KRT74: variants seen among roughly 807,000 people sequenced by gnomAD.
The protein encoded by KRT74 is keratin, type II cytoskeletal 74.
A neutral mutation model predicts 42.7 loss-of-function variants in KRT74; 43 were observed. The ratio of observed to expected loss-of-function variants is 1.01; its 90% CI spans 0.79 to 1.30. The LOEUF (loss-of-function observed/expected upper bound fraction) is 1.30. Among genes scored for constraint, KRT74 ranks in the 50% most tolerant of loss-of-function variants. KRT74 has a pLI of 0.00. For synonymous variants in KRT74, 302 were observed against 279.0 expected, an observed-to-expected ratio of 1.08 and a Z score of -0.82; for missense variants, 736 against 689.1, an observed-to-expected ratio of 1.07 and a Z score of -0.76.
chr12:52,566,201 C>A lies in KRT74; in HGVS notation c.*768G>T, dbSNP rs951211169. The A allele has an allele frequency of 2.0e-5, 3 of 152,176 alleles. No homozygotes were observed. The highest frequency in any genetic ancestry group is 2.1e-4 in the South Asian group (1 of 4,828). The allele number at this position is 152,176 out of a possible 1,614,324, so 9.4% of individuals were successfully genotyped here. A position where few individuals can be genotyped will look rare whatever the true frequency, so the allele number is the denominator to read the frequency against. ...CTGGCACATAGGTGGGTGACTGGGGCCAGTTCAGCAGCCTCTTGGGATCAG... is the reference window on the plus strand; with the variant it reads ...CTGGCACATAGGTGGGTGACTGGGGACAGTTCAGCAGCCTCTTGGGATCAG... On this transcript the variant is annotated 3_prime_UTR_variant, in exon 9 of 9. Transcript: ENST00000305620.
chr12:52,572,365 CA>C lies in KRT74; in HGVS notation c.686+87del, dbSNP rs1341666788. 17 of 1,366,028 alleles carry C rather than the reference CA, an allele frequency of 1.2e-5. No homozygotes were observed. In the Middle Eastern group the frequency reaches 5.4e-4, roughly 43 times the overall value. The allele number at this position is 1,366,028 out of a possible 1,614,324, so 84.6% of individuals were successfully genotyped here. On this transcript the variant is annotated intron_variant, in intron 2 of 8. Coordinates refer to ENST00000305620, the MANE Select transcript of KRT74 (RefSeq NM_175053.4). ...CTCCTGACCCTGGTGCATACTCCCC[CA>C]TCTCCTAAAAAATAATGGCACAGAG...
chr12:52,568,474 G>A, intron 6 of KRT74, 85 bp from the exon 7 acceptor site: 1 of 1,413,058 alleles, frequency 7.1e-7, no homozygotes, highest in Non-Finnish European at 9.8e-7. Context: ...CCCTCATTTT[G>A]CAGATGGGGC....
At position 52,567,042 on chromosome 12, in the gene KRT74, C is replaced by A. The variant is rs371630731; in HGVS notation, c.1517G>T (p.Arg506Leu). Residue 506 changes from arginine (R) to leucine (L), a missense_variant, in exon 9 of 9, where the codon CGA becomes CTA. Arg to Leu is a moderately radical substitution (Grantham distance 102). Transcript: ENST00000305620. ...CTGGGTGTCCTTGAGGTCTCCCCCTCGCGCCTCTGTGGTCTTGGTCTGCCC... is the reference window on the plus strand; with the variant it reads ...CTGGGTGTCCTTGAGGTCTCCCCCTAGCGCCTCTGTGGTCTTGGTCTGCCC... ...QSGQTKTTEA[R>L]GGDLKDTQGK... 3 of 1,599,874 alleles carry A rather than the reference C, an allele frequency of 1.9e-6. No individual in the cohort carries two copies. The highest frequency in any genetic ancestry group is 2.2e-5 in the East Asian group (1 of 44,626).
Position 52,573,380 on chromosome 12 carries a change from A to T in KRT74, c.398T>A (p.Ile133Asn), listed in dbSNP as rs1181802784. The T allele has an allele frequency of 6.2e-7, 1 of 1,614,172 alleles. No homozygotes were observed. The highest frequency in any genetic ancestry group is 2.2e-5 in the East Asian group (1 of 44,872). The change falls in exon 1 of 9, where the codon ATC (isoleucine) becomes AAC (asparagine). Residue 133 changes from isoleucine to asparagine, a missense_variant. Physicochemically the swap from Ile to Asn is moderately radical, Grantham distance 149. Transcript: ENST00000305620. ...APLNVELDPE[I>N]QKVRAQEREQ... Reference sequence around the variant, plus strand: ...CCGCTCCTGGGCGCGCACCTTCTGGATCTCAGGGTCCAGCTCCACGTTGAG... The same window carrying T: ...CCGCTCCTGGGCGCGCACCTTCTGGTTCTCAGGGTCCAGCTCCACGTTGAG...
chr12:52,567,808 C>T (rs769022946), intron 7 of KRT74, 115 bp from the exon 8 acceptor site: 20 of 801,810 alleles, frequency 2.5e-5, no homozygotes, highest in Middle Eastern at 2.2e-4. Flanking sequence ...TAACAACTTA[C>T]GAAACTGACA....
In KRT74 at chr12:52,573,703, C is replaced by T. The variant is rs553830427; in HGVS notation, c.75G>A (p.Arg25=). The stretch of plus-strand genomic sequence containing the variant: ...AAGAAGCCAGGCTACCCACAGCCTT[C>T]CTTGGCACCACTGCCGAATGCACAC... The part of the protein sequence containing the change: ...NFSVHSAVVP[R]KAVGSLASYC... The change falls in exon 1 of 9, where the codon AGG becomes AGA. Residue 25 remains arginine, a synonymous_variant. Transcript: ENST00000305620. The T allele has an allele frequency of 4.3e-6, 7 of 1,614,086 alleles. No homozygotes were observed. In the Admixed American group the frequency reaches 1.0e-4, roughly 23 times the overall value.
At chr12:52,567,198 A>G (rs1328260400) in intron 8 of KRT74, 30 bp from the exon 9 acceptor site, 2 of 1,530,834 alleles carry the variant, frequency 1.3e-6, no homozygotes, top group Non-Finnish European at 1.8e-6. Flanking sequence ...AGCAGGGGAG[A>G]GGAGCAGTGT....
At chr12:52,571,122 G>A (rs1479584928) in intron 4 of KRT74, among the ~76,000 whole-genome samples, 1 of 152,220 alleles carries the variant, frequency 6.6e-6, no homozygotes, top group African/African-American at 2.4e-5. Flanking sequence ...AGACCTCACT[G>A]GGTTATCTTT....
chr12:52,570,040 C>A, intron 5 of KRT74, 56 bp from the exon 6 acceptor site: 1 of 1,605,662 alleles, frequency 6.2e-7, no homozygotes, highest in South Asian at 1.1e-5. Flanking sequence ...GGGAAGGGTC[C>A]TGTAAATAAG....
In KRT74 at chr12:52,573,417, G is replaced by A; in HGVS notation, c.361C>T (p.Leu121Phe). 1 of 1,614,202 alleles carries A rather than the reference G, an allele frequency of 6.2e-7. No homozygotes were observed. ...GIHQVTVNKS[L>F]LAPLNVELDP... The stretch of plus-strand genomic sequence containing the variant: ...AGCTCCACGTTGAGGGGGGCCAAGA[G>A]GCTCTTGTTGACAGTGACCTGGTGG... Residue 121 changes from leucine (L) to phenylalanine (F), a missense_variant, in exon 1 of 9, where the codon CTC becomes TTC. By Grantham distance (22) the Leu-to-Phe change is conservative. Coordinates refer to ENST00000305620, the MANE Select transcript of KRT74 (RefSeq NM_175053.4).
chr12:52,573,631 G>T lies in KRT74; in HGVS notation c.147C>A (p.Ser49Arg), dbSNP rs1272867822. The change falls in exon 1 of 9, where the codon AGC becomes AGA. Residue 49 changes from serine (S) to arginine (R), a missense_variant. Transcript: ENST00000305620. ...GCCGATTCCCTCCAAGGCTATAGAG[G>T]CTCCGACTGCCAAAGCCAGCGCCAG... ...RGAGAGFGSR[S>R]LYSLGGNRRI... 2 of 1,614,032 alleles carry T rather than the reference G, an allele frequency of 1.2e-6. No individual in the cohort carries two copies. The highest frequency in any genetic ancestry group is 1.3e-5 in the African/African-American group (1 of 74,926).
intron 8 of KRT74, 27 bp from the exon 9 acceptor site, chr12:52,567,195 G>T: frequency 6.5e-6 from 10 of 1,537,420 alleles, no homozygotes; most frequent in Non-Finnish European, 8.8e-6. Flanking sequence ...AAGAGCAGGG[G>T]AGAGGAGCAG....
rs1939527754 is a variant in KRT74, at chr12:52,573,528, C to T, written c.250G>A (p.Gly84Ser). 3 of 1,614,166 alleles carry T rather than the reference C, an allele frequency of 1.9e-6. No individual in the cohort carries two copies. Residue 84 changes from glycine to serine, a missense_variant, in exon 1 of 9, where the codon GGC becomes AGC. Physicochemically the swap from Gly to Ser is moderately conservative, Grantham distance 56. Coordinates refer to ENST00000305620, the MANE Select transcript of KRT74 (RefSeq NM_175053.4). The part of the protein sequence containing the change: ...GFRPGSGYGG[G>S]RASGFAGSMF... The stretch of plus-strand genomic sequence containing the variant: ...CTGCCAGCAAAGCCACTGGCCCGGC[C>T]CCCTCCATACCCAGAGCCAGGCCTG...
At position 52,573,649 on chromosome 12, in the gene KRT74, A is replaced by T; in HGVS notation, c.129T>A (p.Ala43=). ...TATAGAGGCTCCGACTGCCAAAGCC[A>T]GCGCCAGCCCCTCTGCCAGCTGCAC... ...SYCAAGRGAG[A]GFGSRSLYSL... The change falls in exon 1 of 9, where the codon GCT becomes GCA. Residue 43 remains alanine (A), a synonymous_variant. Coordinates refer to ENST00000305620, the MANE Select transcript of KRT74 (RefSeq NM_175053.4). 1 of 1,614,178 alleles carries T rather than the reference A, an allele frequency of 6.2e-7. No individual in the cohort carries two copies. The highest frequency in any genetic ancestry group is 8.5e-7 in the Non-Finnish European group (1 of 1,180,028).
intron 5 of KRT74, 44 bp from the exon 6 acceptor site, chr12:52,570,028 T>C (rs1436237211): frequency 1.2e-6 from 2 of 1,611,520 alleles, no homozygotes; most frequent in Admixed American, 3.3e-5. Flanking sequence ...ACAAGGGCAC[T>C]GGGGAAGGGT....
At chr12:52,569,397 A>G (rs1488285211) in intron 6 of KRT74, 1 of 492,030 alleles carries the variant, frequency 2.0e-6, no homozygotes, top group Non-Finnish European at 3.6e-6. Flanking sequence ...TGGTGTGGCC[A>G]ACAGAGGCGC....
intron 6 of KRT74, 33 bp from the exon 7 acceptor site, chr12:52,568,422 C>A: frequency 6.2e-7 from 1 of 1,606,782 alleles, no homozygotes; most frequent in Non-Finnish European, 8.5e-7. Flanking sequence ...ACCATCAGAA[C>A]AGAAAATTAC....
Position 52,572,309 on chromosome 12 carries a change from C to T in KRT74, c.686+144G>A, listed in dbSNP as rs2120653309. Reference sequence around the variant, plus strand: ...GAAGTTATCATCAAAGAGGATAGGCCCTTCCCCCTAGCCAGAGAAAGGGAT... The same window carrying T: ...GAAGTTATCATCAAAGAGGATAGGCTCTTCCCCCTAGCCAGAGAAAGGGAT... On this transcript the variant is annotated intron_variant, in intron 2 of 8. Coordinates refer to ENST00000305620, the MANE Select transcript of KRT74 (RefSeq NM_175053.4). 4 of 858,274 alleles carry T rather than the reference C, an allele frequency of 4.7e-6. No homozygotes were observed. The East Asian group carries it at 1.0e-4, about 22-fold the overall frequency. 53.2% of individuals were successfully genotyped at this position (858,274 alleles called of 1,614,324 possible). A position where few individuals can be genotyped will look rare whatever the true frequency, so the allele number is the denominator to read the frequency against.
rs185121430 is a variant in KRT74 at position 52,568,360 on chromosome 12, G to A, written c.1164C>T (p.Asp388=). The part of the protein sequence containing the change: ...QRASLETAIA[D]AEQRGDNALK... ...GGGCATTGTCTCCCCGCTGCTCAGC[G>A]TCAGCGATGGCCGTCTCCAGGCTGG... The change falls in exon 7 of 9, where the codon GAC becomes GAT. Residue 388 remains aspartate, a synonymous_variant. Coordinates refer to ENST00000305620, the MANE Select transcript of KRT74 (RefSeq NM_175053.4). 50 of 1,614,232 alleles carry A rather than the reference G, an allele frequency of 3.1e-5. No homozygotes were observed. The Admixed American group carries it at 3.2e-4, about 10-fold the overall frequency.
Sources: allele counts gnomAD v4.1 joint callset (sites outside exome capture counted in the v4.1 genomes callset), GRCh38; gene constraint gnomAD v4.1.1; transcripts MANE v1.5; gene names NCBI Gene and HGNC (gene_info 2026-07-23, HGNC 2026-07-21).